YWHAE: variants seen among roughly 807,000 people sequenced by gnomAD.
The protein encoded by YWHAE is 14-3-3 protein epsilon.
In YWHAE, 4 loss-of-function variants were observed where a neutral mutation model predicts 30.1. The ratio of observed to expected loss-of-function variants is 0.13; its 90% CI spans 0.07 to 0.30. YWHAE has a LOEUF of 0.30. Ranked by LOEUF, YWHAE falls within the 10% of genes least tolerant of loss-of-function variation. The pLI is 1.00. For missense variants in YWHAE, 121 were observed against 315.9 expected (o/e 0.38, Z 4.68); for synonymous variants, 118 against 111.8 (o/e 1.06, Z -0.35).
chr17:1,365,899 G>A (rs1300243001), intron 1 of YWHAE, among the ~76,000 whole-genome samples: 1 of 152,070 alleles, frequency 6.6e-6, no homozygotes, highest in Non-Finnish European at 1.5e-5. Context: ...CTCGAGCTCA[G>A]GAGTTCGAGA....
At chr17:1,394,352 C>G (rs1293618344) in intron 1 of YWHAE, among the ~76,000 whole-genome samples, 2 of 148,080 alleles carry the variant, frequency 1.4e-5, no homozygotes, top group Non-Finnish European at 3.0e-5. Context: ...GTGACTCACA[C>G]CTGTAATCCC....
chr17:1,347,994 T>C lies in YWHAE; in HGVS notation c.716-2495A>G, dbSNP rs911181233. 9.9e-6 allele frequency: 10 copies of C among 1,011,330 alleles called. No individual in the cohort carries two copies. In the African/African-American group the frequency reaches 1.4e-4, roughly 14 times the overall value. 62.6% of individuals were successfully genotyped at this position (1,011,330 alleles called of 1,614,324 possible). A position where few individuals can be genotyped will look rare whatever the true frequency, so the allele number is the denominator to read the frequency against. ...AGTTTTTAGGAAAGGAAGAGTTGGG[T>C]TTTCCTTTAGGAATCTATATTGCAA... On this transcript the variant is annotated intron_variant, in intron 5 of 5. Coordinates refer to ENST00000264335, the MANE Select transcript of YWHAE (RefSeq NM_006761.5).
rs1300804979 is a variant in YWHAE at position 1,364,656 on chromosome 17, A to G, written c.264+203T>C. 7 of 633,836 alleles carry G rather than the reference A, an allele frequency of 1.1e-5. No individual in the cohort carries two copies. The Admixed American group carries it at 2.2e-4, about 20-fold the overall frequency. The allele number at this position is 633,836 out of a possible 1,614,324, so 39.3% of individuals were successfully genotyped here. On this transcript the variant is annotated intron_variant, in intron 2 of 5. Coordinates refer to ENST00000264335, the MANE Select transcript of YWHAE (RefSeq NM_006761.5). The stretch of plus-strand genomic sequence containing the variant: ...AACCATGGAAAATACCAAACCTGAT[A>G]CAGACTATGTTTTGTCCTCATGCAT...
intron 1 of YWHAE, among the ~76,000 whole-genome samples, chr17:1,380,597 C>A (rs2073192077): frequency 1.3e-5 from 2 of 152,138 alleles, no homozygotes; most frequent in South Asian, 4.1e-4. Flanking sequence ...TTCTTCGCCT[C>A]ACTTCCAAGA....
intron 5 of YWHAE, among the ~76,000 whole-genome samples, chr17:1,352,420 TA>T (rs1225870736): frequency 5.9e-5 from 9 of 152,054 alleles, no homozygotes; most frequent in African/African-American, 2.2e-4. Flanking sequence ...TTTCAAAAAG[TA>T]TAACACTTCC....
At chr17:1,346,752 A>C (rs142515516) in intron 5 of YWHAE, among the ~76,000 whole-genome samples, 2,641 of 151,036 alleles carry the variant, frequency 0.017, 86 homozygotes, top group African/African-American at 0.061. Flanking sequence ...TTTGGGAAGC[A>C]AAGGCGGGCG....
intron 5 of YWHAE, among the ~76,000 whole-genome samples, chr17:1,346,935 G>A (rs34631188): frequency 4.0e-5 from 6 of 148,334 alleles, no homozygotes; most frequent in South Asian, 2.1e-4. Context: ...AGGTTGCAGC[G>A]AGCCAAGAAC....
At chr17:1,371,387 G>A (rs548412629) in intron 1 of YWHAE, among the ~76,000 whole-genome samples, 3 of 151,784 alleles carry the variant, frequency 2.0e-5, no homozygotes, top group Non-Finnish European at 4.4e-5. Context: ...ACCCAACCTC[G>A]GTGCATTTTC....
intron 1 of YWHAE, among the ~76,000 whole-genome samples, chr17:1,371,140 T>C (rs1181920544): frequency 2.0e-5 from 3 of 151,980 alleles, no homozygotes; most frequent in Non-Finnish European, 4.4e-5. Context: ...GATGATACAG[T>C]GGCACCATCT....
chr17:1,388,267 A>G (rs1283304707), intron 1 of YWHAE, among the ~76,000 whole-genome samples: 1 of 150,066 alleles, frequency 6.7e-6, no homozygotes, highest in Non-Finnish European at 1.5e-5. Context: ...CTGTAATCCC[A>G]GCACTTTGGG....
intron 5 of YWHAE, among the ~76,000 whole-genome samples, chr17:1,347,767 G>A (rs2072551159): frequency 2.0e-5 from 3 of 152,152 alleles, no homozygotes; most frequent in Admixed American, 1.3e-4. Flanking sequence ...AGTAACTTTG[G>A]CATAAAAATG....
chr17:1,370,994 T>G (rs1598251379), intron 1 of YWHAE, among the ~76,000 whole-genome samples: 3 of 151,976 alleles, frequency 2.0e-5, no homozygotes, highest in Non-Finnish European at 4.4e-5. Context: ...GCGAGACTCC[T>G]TCTCAAAAAA....
At chr17:1,399,050 C>T (rs564653619) in intron 1 of YWHAE, 5 of 152,268 alleles carry the variant, frequency 3.3e-5, no homozygotes, top group East Asian at 3.9e-4. Context: ...TTACTGAACA[C>T]TATTGGAAAT....
chr17:1,379,683 T>C (rs537497427), intron 1 of YWHAE, among the ~76,000 whole-genome samples: 3 of 152,124 alleles, frequency 2.0e-5, no homozygotes, highest in Non-Finnish European at 4.4e-5. Flanking sequence ...TCTACTCAAT[T>C]AAGATGAGCA....
chr17:1,366,346 C>T (rs1441863973), intron 1 of YWHAE, among the ~76,000 whole-genome samples: 1 of 152,072 alleles, frequency 6.6e-6, no homozygotes, highest in African/African-American at 2.4e-5. Context: ...TCAAGGCCAG[C>T]CTGGCCAACG....
chr17:1,389,884 C>T (rs985549567), intron 1 of YWHAE, among the ~76,000 whole-genome samples: 3 of 151,622 alleles, frequency 2.0e-5, no homozygotes, highest in African/African-American at 7.3e-5. Context: ...GCTCTTGTCG[C>T]CCAGGCTGGA....
intron 2 of YWHAE, among the ~76,000 whole-genome samples, chr17:1,362,397 C>T (rs2150850767): frequency 6.6e-6 from 1 of 152,186 alleles, no homozygotes; most frequent in Admixed American, 6.6e-5. Context: ...AGACATTGCT[C>T]TAAGATCAAC....
chr17:1,356,552 G>C (rs997275882), intron 4 of YWHAE, among the ~76,000 whole-genome samples: 2 of 152,234 alleles, frequency 1.3e-5, no homozygotes, highest in Non-Finnish European at 1.5e-5. Flanking sequence ...CTACACGTGG[G>C]ACAGCTAGAC....
chr17:1,383,346 G>A (rs372513598), intron 1 of YWHAE, among the ~76,000 whole-genome samples: 5 of 150,182 alleles, frequency 3.3e-5, no homozygotes, highest in East Asian at 2.0e-4. Context: ...GCGAAACTCC[G>A]TTTAAAAAAA....
Sources: gnomAD v4.1 joint callset for allele counts (sites outside exome capture counted in the v4.1 genomes callset) on GRCh38, gnomAD v4.1.1 for gene constraint, MANE v1.5 for transcripts, NCBI Gene and HGNC (gene_info 2026-07-23, HGNC 2026-07-21) for gene names.